RABGAP1: variants seen among roughly 807,000 people sequenced by gnomAD.
The protein encoded by RABGAP1 is RAB GTPase activating protein 1, also known as rab GTPase-activating protein 1.
In RABGAP1, 23 loss-of-function variants were observed where a neutral mutation model predicts 137.6. That is an observed-to-expected ratio of 0.17 (90% CI 0.12 to 0.24). The LOEUF (loss-of-function observed/expected upper bound fraction) is 0.24, where lower values mean the gene tolerates loss of function less well. Ranked by LOEUF, RABGAP1 falls within the 10% of genes least tolerant of loss-of-function variation. RABGAP1 has a pLI of 1.00. For missense variants in RABGAP1, 906 were observed against 1,275.8 expected, an observed-to-expected ratio of 0.71 and a Z score of 4.42; for synonymous variants, 451 against 450.7, an observed-to-expected ratio of 1.00 and a Z score of -0.01.
At chr9:123,019,460 A>G (rs2031467798) in intron 12 of RABGAP1, among the ~76,000 whole-genome samples, 1 of 151,828 alleles carries the variant, frequency 6.6e-6, no homozygotes, top group African/African-American at 2.4e-5. Flanking sequence ...GTAGCTAGGA[A>G]TATAACCATC....
At chr9:123,045,876 T>G (rs1277400399) in intron 13 of RABGAP1, among the ~76,000 whole-genome samples, 1 of 152,176 alleles carries the variant, frequency 6.6e-6, no homozygotes, top group African/African-American at 2.4e-5. Context: ...ACATCTAAAG[T>G]ATGTAAAATT....
At chr9:122,932,488 A>G in the RABGAP1 span, among the ~76,000 whole-genome samples, 1 of 151,782 alleles carries the variant, frequency 6.6e-6, no homozygotes, top group Non-Finnish European at 1.5e-5. Context: ...ATTTTCATTC[A>G]TTTCTAAGTA....
intron 21 of RABGAP1, among the ~76,000 whole-genome samples, chr9:123,092,961 C>T (rs1206271607): frequency 2.0e-5 from 3 of 152,144 alleles, no homozygotes; most frequent in African/African-American, 7.2e-5. Flanking sequence ...ATGCTGCAGA[C>T]ACACCTTTCC....
At chr9:123,003,402 G>A (rs1409219358) in intron 10 of RABGAP1, among the ~76,000 whole-genome samples, 1 of 152,064 alleles carries the variant, frequency 6.6e-6, no homozygotes, top group Non-Finnish European at 1.5e-5. Flanking sequence ...TGCTACTTTT[G>A]TCTTTTCATC....
At chr9:123,018,653 A>C (rs592977) in intron 12 of RABGAP1, among the ~76,000 whole-genome samples, 114,951 of 152,160 alleles carry the variant, frequency 0.76, 45,365 homozygotes, top group Middle Eastern at 0.89. Context: ...ACTTTTACAT[A>C]ATGTTTTTAT....
chr9:123,056,481 CTTTTTTTTT>C (rs530004900), intron 13 of RABGAP1, among the ~76,000 whole-genome samples: 6 of 131,850 alleles, frequency 4.6e-5, no homozygotes, highest in Non-Finnish European at 6.6e-5. Context: ...TTTCTTTTTT[CTTTTTTTTT>C]TTTTTTTTAA....
chr9:122,964,054 C>T (rs2131651176), intron 2 of RABGAP1, among the ~76,000 whole-genome samples: 1 of 152,228 alleles, frequency 6.6e-6, no homozygotes, highest in East Asian at 1.9e-4. Flanking sequence ...AGATCTATAA[C>T]AAAGAGATTG....
intron 25 of RABGAP1, among the ~76,000 whole-genome samples, chr9:123,102,645 T>G (rs767605599): frequency 6.6e-6 from 1 of 151,172 alleles, no homozygotes; most frequent in Admixed American, 6.6e-5. Flanking sequence ...AGGAGGAGAG[T>G]GGCTGCCCAG....
intron 22 of RABGAP1, among the ~76,000 whole-genome samples, chr9:123,098,505 C>T (rs1025083402): frequency 3.9e-5 from 6 of 152,132 alleles, no homozygotes; most frequent in Non-Finnish European, 1.5e-5. Context: ...TGGGGTCTGA[C>T]GTTTTTGGAA....
intron 13 of RABGAP1, among the ~76,000 whole-genome samples, chr9:123,022,785 T>A (rs2031727324): frequency 6.6e-6 from 1 of 152,152 alleles, no homozygotes; most frequent in South Asian, 2.1e-4. Flanking sequence ...ACCACCATAA[T>A]ATTTGTGAAT....
intron 11 of RABGAP1, 118 bp downstream of exon 11, chr9:123,010,646 T>A: frequency 6.2e-6 from 6 of 967,584 alleles, no homozygotes; most frequent in African/African-American, 1.6e-5. Flanking sequence ...AATGAATTCC[T>A]TATGAGAGTT....
At chr9:123,008,191 G>C (rs549277671) in intron 10 of RABGAP1, among the ~76,000 whole-genome samples, 1 of 152,228 alleles carries the variant, frequency 6.6e-6, no homozygotes, top group East Asian at 1.9e-4. Flanking sequence ...TCAAAAGGCA[G>C]CGTGTCCTTT....
chr9:123,075,081 GTGTT>G (rs1053897631), intron 17 of RABGAP1, among the ~76,000 whole-genome samples: 1 of 152,070 alleles, frequency 6.6e-6, no homozygotes, highest in Non-Finnish European at 1.5e-5. Context: ...TTTGTGTGGT[GTGTT>G]TAAGAAAAAC....
chr9:122,984,348 A>AT, intron 2 of RABGAP1, 137 bp from the exon 3 acceptor site: 1 of 755,920 alleles, frequency 1.3e-6, no homozygotes, highest in Non-Finnish European at 2.1e-6. Flanking sequence ...GATTTATTCT[A>AT]TTTTTAAAAA....
At chr9:123,010,579 A>G (rs770178544) in intron 11 of RABGAP1, 51 bp downstream of exon 11, 21 of 1,517,204 alleles carry the variant, frequency 1.4e-5, no homozygotes, top group South Asian at 2.3e-5. Context: ...AGACCATGCA[A>G]ACTATTAAAA....
intron 2 of RABGAP1, among the ~76,000 whole-genome samples, chr9:122,976,283 C>T (rs1835756951): frequency 1.3e-5 from 2 of 152,252 alleles, no homozygotes; most frequent in East Asian, 3.9e-4. Context: ...TGGAAATAAA[C>T]ACAAATCTAA....
chr9:122,950,494 G>A (rs1188491843), intron 1 of RABGAP1, among the ~76,000 whole-genome samples: 1 of 147,568 alleles, frequency 6.8e-6, no homozygotes, highest in South Asian at 2.1e-4. Context: ...AGTTTTGCAA[G>A]GAATTGGTTT....
At chr9:123,042,808 G>C (rs367601981) in intron 13 of RABGAP1, among the ~76,000 whole-genome samples, 1 of 152,178 alleles carries the variant, frequency 6.6e-6, no homozygotes, top group African/African-American at 2.4e-5. Flanking sequence ...AAAGATACGT[G>C]TTTTCATAAT....
intron 1 of RABGAP1, among the ~76,000 whole-genome samples, chr9:122,943,879 G>A (rs1409603891): frequency 6.6e-6 from 1 of 152,168 alleles, no homozygotes; most frequent in African/African-American, 2.4e-5. Context: ...CGTGAACCCG[G>A]GAGGCGGAGC....
Sources: gnomAD v4.1 joint callset for allele counts (sites outside exome capture counted in the v4.1 genomes callset) on GRCh38, gnomAD v4.1.1 for gene constraint, MANE v1.5 for transcripts, NCBI Gene and HGNC (gene_info 2026-07-23, HGNC 2026-07-21) for gene names.